DDHD1: variants seen among roughly 807,000 people sequenced by gnomAD.
The protein encoded by DDHD1 is DDHD domain containing 1, also known as phospholipase DDHD1.
In DDHD1, 49 loss-of-function variants were observed where a neutral mutation model predicts 96.4. That is an observed-to-expected ratio of 0.51 (90% CI 0.40 to 0.64). DDHD1 has a LOEUF of 0.64. DDHD1 is among the 30% of genes least tolerant of loss of function. The pLI is 0.00. For missense variants in DDHD1, 1,106 were observed against 1,161.2 expected, an observed-to-expected ratio of 0.95 and a Z score of 0.69; for synonymous variants, 442 against 446.5, an observed-to-expected ratio of 0.99 and a Z score of 0.13.
At chr14:53,130,972 C>T (rs1395683487) in intron 1 of DDHD1, among the ~76,000 whole-genome samples, 2 of 152,164 alleles carry the variant, frequency 1.3e-5, no homozygotes, top group East Asian at 3.8e-4. Context: ...AATACAGAGG[C>T]TACCCACTCC....
At chr14:53,124,469 T>C (rs1247372687) in intron 1 of DDHD1, among the ~76,000 whole-genome samples, 1 of 152,304 alleles carries the variant, frequency 6.6e-6, no homozygotes, top group East Asian at 1.9e-4. Flanking sequence ...TGGATAGTAG[T>C]TAGCAATTAT....
intron 7 of DDHD1, 85 bp from the exon 8 acceptor site, chr14:53,061,286 G>C: frequency 1.7e-6 from 2 of 1,182,424 alleles, no homozygotes; most frequent in South Asian, 1.7e-5. Flanking sequence ...AAAGTATAAA[G>C]ACGCAGATGA....
chr14:53,123,005 C>A (rs924619822), intron 1 of DDHD1, among the ~76,000 whole-genome samples: 2 of 151,502 alleles, frequency 1.3e-5, no homozygotes, highest in Non-Finnish European at 1.5e-5. Flanking sequence ...TCAGATTCAC[C>A]GGTAATGAGA....
chr14:53,084,519 T>C (rs143643768), intron 4 of DDHD1, among the ~76,000 whole-genome samples: 267 of 152,304 alleles, frequency 1.8e-3, no homozygotes, highest in African/African-American at 6.2e-3. Context: ...AAGTAATACA[T>C]AATTCATCAG....
intron 4 of DDHD1, among the ~76,000 whole-genome samples, chr14:53,088,944 CCTT>C (rs964329419): frequency 5.9e-5 from 9 of 152,178 alleles, no homozygotes; most frequent in African/African-American, 1.9e-4. Context: ...CCCAAAATCT[CCTT>C]AAGCTGATAA....
intron 2 of DDHD1, among the ~76,000 whole-genome samples, chr14:53,097,702 G>A (rs997937724): frequency 6.6e-6 from 1 of 151,778 alleles, no homozygotes. Flanking sequence ...TATTAAACGA[G>A]AACGAAATGG....
At chr14:53,152,226 A>T in intron 1 of DDHD1, 35 bp downstream of exon 1, 2 of 1,553,886 alleles carry the variant, frequency 1.3e-6, no homozygotes, top group Non-Finnish European at 1.7e-6. Flanking sequence ...ATGCAGGGGC[A>T]GCCCGTCCTG....
chr14:53,111,543 T>C (rs1222357006), intron 1 of DDHD1, among the ~76,000 whole-genome samples: 1 of 152,188 alleles, frequency 6.6e-6, no homozygotes, highest in Non-Finnish European at 1.5e-5. Context: ...AGACTTTGAG[T>C]TTTCCTGTAC....
rs1956322112 is a variant in DDHD1 at position 53,037,035 on chromosome 14, T to C, written c.*9733A>G. 1 of 152,090 alleles carries C rather than the reference T, an allele frequency of 6.6e-6. No individual in the cohort carries two copies. The allele number at this position is 152,090 out of a possible 1,614,324, so 9.4% of individuals were successfully genotyped here. A position where few individuals can be genotyped will look rare whatever the true frequency, so the allele number is the denominator to read the frequency against. On this transcript the variant is annotated 3_prime_UTR_variant, in exon 13 of 13. Coordinates refer to ENST00000673822, the MANE Select transcript of DDHD1 (RefSeq NM_001160148.2). ...ATTTGTTAGAACATGCAGTACTTGGTTTTCTGTTCTTAATTTGCTTAGATT... is the reference window on the plus strand; with the variant it reads ...ATTTGTTAGAACATGCAGTACTTGGCTTTCTGTTCTTAATTTGCTTAGATT...
At chr14:53,084,776 G>A (rs1340336723) in intron 4 of DDHD1, among the ~76,000 whole-genome samples, 1 of 152,198 alleles carries the variant, frequency 6.6e-6, no homozygotes, top group African/African-American at 2.4e-5. Flanking sequence ...GGACTGGTTG[G>A]ACAGTGGGTG....
In DDHD1 at chr14:53,103,776, A is replaced by G; in HGVS notation, c.919T>C (p.Leu307=). Residue 307 remains leucine (L), a synonymous_variant, in exon 2 of 13, where the codon TTA becomes CTA. Coordinates refer to ENST00000673822, the MANE Select transcript of DDHD1 (RefSeq NM_001160148.2). ...WQPLEEEESN[L]IEQEHLNCFR... Reference sequence around the variant, plus strand: ...CAATTGAGATGTTCTTGCTCAATTAAATTACTTTCTTCCTCTTCTAGAGGC... The same window carrying G: ...CAATTGAGATGTTCTTGCTCAATTAGATTACTTTCTTCCTCTTCTAGAGGC... 9 of 1,613,688 alleles carry G rather than the reference A, an allele frequency of 5.6e-6. No homozygotes were observed. Among genetic ancestry groups the G allele is most frequent in the Non-Finnish European group, 6.8e-6 (8 of 1,179,870 alleles).
chr14:53,071,256 A>G (rs1050375375), intron 6 of DDHD1, among the ~76,000 whole-genome samples: 3 of 152,146 alleles, frequency 2.0e-5, no homozygotes, highest in Non-Finnish European at 4.4e-5. Context: ...TTTCTACTGC[A>G]TGGTTTTTAG....
At chr14:53,149,456 G>C (rs1182161208) in intron 1 of DDHD1, among the ~76,000 whole-genome samples, 1 of 152,202 alleles carries the variant, frequency 6.6e-6, no homozygotes, top group Non-Finnish European at 1.5e-5. Context: ...TTTTCTATTT[G>C]AAGAAAGGCT....
intron 3 of DDHD1, 68 bp from the exon 4 acceptor site, chr14:53,092,000 A>C: frequency 6.9e-7 from 1 of 1,455,522 alleles, no homozygotes; most frequent in Non-Finnish European, 9.3e-7. Context: ...AATATGTTAA[A>C]AGAAAAAAAA....
chr14:53,103,791 C>G lies in DDHD1; in HGVS notation c.904G>C (p.Glu302Gln). The G allele has an allele frequency of 6.2e-7, 1 of 1,613,552 alleles. No individual in the cohort carries two copies. The highest frequency in any genetic ancestry group is 8.5e-7 in the Non-Finnish European group (1 of 1,179,882). ...FIDGTWQPLE[E>Q]EESNLIEQEH... ...TGCTCAATTAAATTACTTTCTTCCT[C>G]TTCTAGAGGCTGCCAAGTGCCGTCA... The change falls in exon 2 of 13, where the codon GAG becomes CAG. Residue 302 changes from glutamate (E) to glutamine (Q), a missense_variant. Physicochemically the swap from Glu to Gln is conservative, Grantham distance 29 (BLOSUM62 2). Around this residue, in one of 2 missense-constraint regions of DDHD1, gnomAD observed 650 missense variants for 758.8 expected, o/e 0.86. Transcript: ENST00000673822.
chr14:53,151,631 G>A (rs1566613400), intron 1 of DDHD1, among the ~76,000 whole-genome samples: 1 of 152,140 alleles, frequency 6.6e-6, no homozygotes, highest in Non-Finnish European at 1.5e-5. Context: ...ATTTTTCAAG[G>A]TTAAGATGCA....
chr14:53,122,735 T>A (rs374033256), intron 1 of DDHD1, among the ~76,000 whole-genome samples: 92 of 151,990 alleles, frequency 6.1e-4, no homozygotes, highest in African/African-American at 2.1e-3. Context: ...ATTTTTTTTT[T>A]AATTTTTATT....
rs527810048 is a variant in DDHD1, at chr14:53,099,363, C to T, written c.1012+4320G>A. ...TCCACTAGTATCTTTTTCTGTTCTA[C>T]GATCCAATCTAGGGTACCACATTGC... On this transcript the variant is annotated intron_variant, in intron 2 of 12. Transcript: ENST00000673822. Among the ~76,000 whole-genome samples, 96 of 152,272 alleles carry T rather than the reference C, an allele frequency of 6.3e-4. 2 individuals carry two copies. In the South Asian group the frequency reaches 0.013, roughly 21 times the overall value.
chr14:53,062,819 T>C (rs1035940142), intron 7 of DDHD1, 124 bp downstream of exon 7: 4 of 999,718 alleles, frequency 4.0e-6, no homozygotes, highest in Non-Finnish European at 5.7e-6. Flanking sequence ...GCATGCTATA[T>C]AGTAATCTTT....
Sources: gnomAD v4.1 joint callset for allele counts (sites outside exome capture counted in the v4.1 genomes callset) on GRCh38, gnomAD v4.1.1 for gene constraint, gnomAD v4.1.1 regional missense constraint, MANE v1.5 for transcripts, NCBI Gene and HGNC (gene_info 2026-07-23, HGNC 2026-07-21) for gene names.